The following FAM131C variants were observed in gnomAD, a reference collection of about 807,000 sequenced individuals.
FAM131C encodes the protein family with sequence similarity 131 member C, also known as protein FAM131C.
FAM131C carries 14 observed loss-of-function variants against 29.8 expected under a neutral mutation model. The ratio of observed to expected loss-of-function variants is 0.47; its 90% CI spans 0.31 to 0.73. FAM131C has a LOEUF of 0.73. FAM131C is among the 30% of genes least tolerant of loss of function. FAM131C has a pLI of 0.05. For synonymous variants in FAM131C, 86 were observed against 157.8 expected, an observed-to-expected ratio of 0.54 and a Z score of 3.41; for missense variants, 252 against 383.8, an observed-to-expected ratio of 0.66 and a Z score of 2.87.
chr1:16,063,514 C>T lies in FAM131C; in HGVS notation c.138+7G>A. 2 of 1,608,278 alleles carry T rather than the reference C, an allele frequency of 1.2e-6. No individual in the cohort carries two copies. Among genetic ancestry groups the T allele is most frequent in the South Asian group, 2.2e-5 (2 of 90,976 alleles). On this transcript the variant is annotated splice_region_variant and intron_variant, in intron 2 of 6. Transcript: ENST00000375662. ...AGGTAGCACAGGGATGAGGAGCAGC[C>T]AGTTACCTTGCCAATGACACAGTCT...
At position 16,062,130 on chromosome 1, in the gene FAM131C, G is replaced by A. The variant is rs533327172; in HGVS notation, c.237C>T (p.Asn79=). 2.2e-5 allele frequency: 35 copies of A among 1,611,902 alleles called. No homozygotes were observed. The highest frequency in any genetic ancestry group is 4.0e-5 in the African/African-American group (3 of 75,004). ...SDSRSRPGNY[N]VAALATSSLV... ...GGGACGAGGTGGCCAGGGCTGCCAC[G>A]TTGTAGTTGCCGGGGCGGGATCTGG... Residue 79 remains asparagine (N), a synonymous_variant, in exon 4 of 7, where the codon AAC becomes AAT. Coordinates refer to ENST00000375662, the MANE Select transcript of FAM131C (RefSeq NM_182623.3).
At chr1:16,062,601 C>T (rs1488641943) in intron 2 of FAM131C, 67 bp from the exon 3 acceptor site, 2 of 1,143,824 alleles carry the variant, frequency 1.7e-6, no homozygotes, top group Admixed American at 4.7e-5. Flanking sequence ...GGCCCGAGTC[C>T]TGGGGCCCTG....
intron 1 of FAM131C, among the ~76,000 whole-genome samples, chr1:16,066,606 T>C (rs2023686518): frequency 6.6e-6 from 1 of 152,152 alleles, no homozygotes; most frequent in South Asian, 2.1e-4. Flanking sequence ...ATTAATTAGG[T>C]CTTATTTTAA....
Position 16,071,100 on chromosome 1 carries a change from C to T in FAM131C, c.22+2321G>A, listed in dbSNP as rs1332634705. Among the ~76,000 whole-genome samples the T allele has an allele frequency of 1.3e-5, 2 of 152,252 alleles. 1 individual carries two copies. Among genetic ancestry groups the T allele is most frequent in the African/African-American group, 4.8e-5 (2 of 41,474 alleles). On this transcript the variant is annotated intron_variant, in intron 1 of 6. Transcript: ENST00000375662. ...ACTCCCTCCACCCTTCCTTCTGTAG[C>T]AGTGCCTACCTGGCCTAGGAGGCAC...
intron 1 of FAM131C, among the ~76,000 whole-genome samples, chr1:16,073,185 AC>A (rs1407231840): frequency 1.3e-5 from 2 of 151,946 alleles, no homozygotes; most frequent in Non-Finnish European, 2.9e-5. Flanking sequence ...GCTTCGTGTC[AC>A]CTGCGGGGCT....
intron 1 of FAM131C, among the ~76,000 whole-genome samples, chr1:16,066,046 C>A (rs957856918): frequency 1.3e-5 from 2 of 152,022 alleles, no homozygotes; most frequent in African/African-American, 4.8e-5. Flanking sequence ...ATTATGGGCA[C>A]CTGCTCATTT....
At chr1:16,064,469 C>G (rs1039452288) in intron 1 of FAM131C, among the ~76,000 whole-genome samples, 13 of 152,194 alleles carry the variant, frequency 8.5e-5, no homozygotes, top group South Asian at 2.1e-4. Context: ...GCCCTCCCCC[C>G]AGAGGCTCTG....
chr1:16,067,351 G>C (rs1288834337), intron 1 of FAM131C, among the ~76,000 whole-genome samples: 1 of 152,226 alleles, frequency 6.6e-6, no homozygotes, highest in Non-Finnish European at 1.5e-5. Context: ...AACACAGAGT[G>C]TCATGTGGGG....
At chr1:16,067,113 G>A (rs1238143014) in intron 1 of FAM131C, among the ~76,000 whole-genome samples, 4 of 152,138 alleles carry the variant, frequency 2.6e-5, no homozygotes, top group Non-Finnish European at 5.9e-5. Context: ...TGGTGGGCTT[G>A]GAGGACTCCT....
intron 2 of FAM131C, 41 bp downstream of exon 2, chr1:16,063,480 C>T (rs1485305733): frequency 2.0e-6 from 3 of 1,493,280 alleles, no homozygotes; most frequent in South Asian, 2.3e-5. Flanking sequence ...AGGCCGGGAA[C>T]CGGGGCGCAG....
At chr1:16,066,124 C>T (rs533406825) in intron 1 of FAM131C, among the ~76,000 whole-genome samples, 15 of 152,262 alleles carry the variant, frequency 9.9e-5, no homozygotes, top group African/African-American at 3.6e-4. Context: ...TGACCTCAGG[C>T]GATCCGCCTG....
intron 1 of FAM131C, among the ~76,000 whole-genome samples, chr1:16,069,872 C>T (rs2023730576): frequency 6.6e-6 from 1 of 152,210 alleles, no homozygotes; most frequent in Non-Finnish European, 1.5e-5. Flanking sequence ...AGCCATCCTC[C>T]TGCCTCAGCC....
intron 1 of FAM131C, among the ~76,000 whole-genome samples, chr1:16,068,075 GGCTTCTCTGCTCA>G (rs1172071686): frequency 6.6e-6 from 1 of 152,168 alleles, no homozygotes; most frequent in Non-Finnish European, 1.5e-5. Context: ...GCCAGCCTCG[GGCTTCTCTGCTCA>G]GCTTCTCAGG....
chr1:16,071,115 C>T (rs984566108), intron 1 of FAM131C, among the ~76,000 whole-genome samples: 1 of 152,244 alleles, frequency 6.6e-6, no homozygotes, highest in Non-Finnish European at 1.5e-5. Context: ...CCTACCTGGC[C>T]TAGGAGGCAC....
At chr1:16,060,192 T>A (rs1390538069) in intron 4 of FAM131C, 141 bp from the exon 5 acceptor site, 3 of 547,680 alleles carry the variant, frequency 5.5e-6, no homozygotes, top group South Asian at 3.0e-5. Context: ...CCCCCACACC[T>A]CCCCAGGGGC....
chr1:16,071,706 C>T (rs776628450), intron 1 of FAM131C, among the ~76,000 whole-genome samples: 8 of 152,198 alleles, frequency 5.3e-5, no homozygotes, highest in Admixed American at 2.6e-4. Flanking sequence ...GTGGAGAGAG[C>T]GTATCTTGGC....
In FAM131C at chr1:16,059,492, A is replaced by G. The variant is rs887535932; in HGVS notation, c.562+2T>C. 5.6e-6 allele frequency: 9 copies of G among 1,610,570 alleles called. No individual in the cohort carries two copies. In the African/African-American group the frequency reaches 1.2e-4, roughly 22 times the overall value. On this transcript the variant is annotated splice_donor_variant, in intron 6 of 6. Transcript: ENST00000375662. LOFTEE classifies it high-confidence loss of function. The stretch of plus-strand genomic sequence containing the variant: ...CCGCCCCCTGGACCCTCTGGGCTGT[A>G]CCTTGGAGCTGGACGATGCCTTGGG...
chr1:16,072,513 C>T (rs1379996764), intron 1 of FAM131C, among the ~76,000 whole-genome samples: 2 of 152,154 alleles, frequency 1.3e-5, no homozygotes, highest in Non-Finnish European at 2.9e-5. Flanking sequence ...CCCCCTGATC[C>T]CACTGTGGGG....
intron 1 of FAM131C, among the ~76,000 whole-genome samples, chr1:16,067,284 C>A (rs935861727): frequency 6.6e-6 from 1 of 152,172 alleles, no homozygotes; most frequent in African/African-American, 2.4e-5. Context: ...GGTGAAATCA[C>A]AGGCTGTTCT....
Sources: allele counts gnomAD v4.1 joint callset (sites outside exome capture counted in the v4.1 genomes callset), GRCh38; gene constraint gnomAD v4.1.1; transcripts MANE v1.5; gene names NCBI Gene and HGNC (gene_info 2026-07-23, HGNC 2026-07-21).